Variants in CUX1 observed in about 807,000 individuals in gnomAD.
The protein encoded by CUX1 is protein CASP.
Under a neutral mutation model 158.8 loss-of-function variants are expected in CUX1, and 31 were observed. That is an observed-to-expected ratio of 0.20 (90% CI 0.15 to 0.26). CUX1 has a LOEUF of 0.26. CUX1 is among the 10% of genes least tolerant of loss of function. The pLI is 1.00. For synonymous variants in CUX1, 879 were observed against 862.1 expected (o/e 1.02, Z -0.34); for missense variants, 1,589 against 2,014.6 (o/e 0.79, Z 4.04).
intron 2 of CUX1, among the ~76,000 whole-genome samples, chr7:101,993,748 C>G (rs1369942519): frequency 6.6e-6 from 1 of 152,214 alleles, no homozygotes; most frequent in African/African-American, 2.4e-5. Context: ...CTGTCCCAGC[C>G]TCTTCCATCT....
At chr7:102,161,936 A>G (rs1563330962) in intron 9 of CUX1, among the ~76,000 whole-genome samples, 1 of 152,144 alleles carries the variant, frequency 6.6e-6, no homozygotes, top group Non-Finnish European at 1.5e-5. Context: ...TGGAAGCCAC[A>G]GTATAAGGAA....
chr7:102,138,316 C>T (rs1484902775), intron 8 of CUX1, among the ~76,000 whole-genome samples: 2 of 152,068 alleles, frequency 1.3e-5, no homozygotes, highest in Non-Finnish European at 2.9e-5. Context: ...ACTGATATAA[C>T]TCTTAACTTA....
chr7:101,882,527 A>G (rs1419303772), intron 1 of CUX1, among the ~76,000 whole-genome samples: 1 of 152,238 alleles, frequency 6.6e-6, no homozygotes, highest in African/African-American at 2.4e-5. Context: ...TTTGTGCATG[A>G]AGACACCTAC....
At chr7:101,936,499 A>C (rs1362639323) in intron 2 of CUX1, among the ~76,000 whole-genome samples, 1 of 152,142 alleles carries the variant, frequency 6.6e-6, no homozygotes, top group East Asian at 1.9e-4. Flanking sequence ...CCGGGGAGGA[A>C]GTTAGGGCAG....
At chr7:102,276,555 G>A (rs1791620902) in intron 17 of CUX1, among the ~76,000 whole-genome samples, 1 of 152,206 alleles carries the variant, frequency 6.6e-6, no homozygotes, top group Admixed American at 6.5e-5. Context: ...GCCCACCTCA[G>A]CCTCCTAAAG....
rs549724034 is a variant in CUX1, at chr7:102,205,544, CT to C, written c.3130+376del. Among the ~76,000 whole-genome samples, 1,269 of 152,270 alleles carry C rather than the reference CT, an allele frequency of 8.3e-3. 11 individuals are homozygous for C. Among genetic ancestry groups the C allele is most frequent in the African/African-American group, 0.029 (1,213 of 41,532 alleles). Reference sequence around the variant, plus strand: ...CTGGTGGGGTCATGTCGGGGGACTTCTTATCTAACCGGAAGACATCCAGGCA... The same window carrying C: ...CTGGTGGGGTCATGTCGGGGGACTTCTATCTAACCGGAAGACATCCAGGCA... On this transcript the variant is annotated intron_variant, in intron 20 of 23. Transcript: ENST00000292535.
chr7:102,281,941 G>C (rs782705890), intron 21 of CUX1: 2 of 1,552,426 alleles, frequency 1.3e-6, no homozygotes, highest in East Asian at 4.5e-5. Flanking sequence ...ACACGGGCGG[G>C]CCAGAGGCAC....
At chr7:102,148,926 T>G (rs776461667) in intron 8 of CUX1, among the ~76,000 whole-genome samples, 3 of 151,956 alleles carry the variant, frequency 2.0e-5, no homozygotes, top group Non-Finnish European at 4.4e-5. Flanking sequence ...ATACAATGTT[T>G]GGTTTTCCAT....
exon 15 of CUX1, chr7:102,273,480 G>T: frequency 6.2e-7 from 1 of 1,611,376 alleles, no homozygotes; most frequent in Non-Finnish European, 8.5e-7. Flanking sequence ...TCCATCCAGC[G>T]GCCCGATGCC....
At chr7:102,090,226 G>A (rs1554481777) in intron 4 of CUX1, among the ~76,000 whole-genome samples, 2 of 152,140 alleles carry the variant, frequency 1.3e-5, no homozygotes, top group Non-Finnish European at 2.9e-5. Flanking sequence ...CTAGGTATAG[G>A]TTGAGTGTCT....
chr7:102,280,185 C>T, intron 19 of CUX1: 3 of 1,096,310 alleles, frequency 2.7e-6, no homozygotes, highest in South Asian at 1.3e-5. Context: ...CAGGGGTCCC[C>T]CCATCACTTG....
At chr7:101,914,648 A>G (rs1163326866) in intron 1 of CUX1, among the ~76,000 whole-genome samples, 1 of 151,704 alleles carries the variant, frequency 6.6e-6, no homozygotes, top group African/African-American at 2.4e-5. Flanking sequence ...ACAGGAGCCC[A>G]CCACCATGCC....
intron 20 of CUX1, among the ~76,000 whole-genome samples, chr7:102,216,528 T>TCCC (rs781825609): frequency 3.8e-5 from 3 of 78,628 alleles, no homozygotes; most frequent in African/African-American, 9.8e-5. Context: ...ACACACACTC[T>TCCC]CCCCCCCACA....
At chr7:101,827,299 T>C (rs1793441718) in intron 1 of CUX1, among the ~76,000 whole-genome samples, 1 of 149,172 alleles carries the variant, frequency 6.7e-6, no homozygotes, top group African/African-American at 2.5e-5. Context: ...TCTTCTTTTC[T>C]TTTCTTTTCC....
intron 20 of CUX1, among the ~76,000 whole-genome samples, chr7:102,208,512 A>T (rs1796174944): frequency 6.6e-6 from 1 of 152,242 alleles, no homozygotes; most frequent in African/African-American, 2.4e-5. Flanking sequence ...AAGTGCTGGG[A>T]TTATAGGCAT....
chr7:101,830,036 T>C (rs1793803715), intron 1 of CUX1, among the ~76,000 whole-genome samples: 1 of 152,204 alleles, frequency 6.6e-6, no homozygotes, highest in Admixed American at 6.5e-5. Context: ...GAGTGCTAGA[T>C]GGGGTGTCTC....
At chr7:102,002,701 G>A (rs547617676) in intron 2 of CUX1, among the ~76,000 whole-genome samples, 1 of 152,274 alleles carries the variant, frequency 6.6e-6, no homozygotes, top group African/African-American at 2.4e-5. Flanking sequence ...TGATGTCAGA[G>A]CATCGCAGCG....
intron 2 of CUX1, among the ~76,000 whole-genome samples, chr7:101,938,908 G>C (rs940889991): frequency 6.6e-6 from 1 of 151,606 alleles, no homozygotes; most frequent in African/African-American, 2.4e-5. Flanking sequence ...GGGCATGGTG[G>C]TGTATGTCTG....
At position 102,040,307 on chromosome 7, in the gene CUX1, G is replaced by A. The variant is rs77781345; in HGVS notation, c.189+12162G>A. ...ACGGAACATCAGAGGAAAGAAGCAA[G>A]GAGAACCAGCCACACTCAGAGCTGG... On this transcript the variant is annotated intron_variant, in intron 3 of 23. Transcript: ENST00000292535. 2.3e-3 allele frequency among the ~76,000 whole-genome samples: 349 copies of A among 152,278 alleles called. 1 individual carries two copies. The highest frequency in any genetic ancestry group is 8.1e-3 in the African/African-American group (335 of 41,556).
Sources: allele counts gnomAD v4.1 joint callset (sites outside exome capture counted in the v4.1 genomes callset), GRCh38; gene constraint gnomAD v4.1.1; transcripts MANE v1.5; gene names NCBI Gene and HGNC (gene_info 2026-07-23, HGNC 2026-07-21).